Variants in ARHGAP15 observed in about 807,000 individuals in gnomAD.
ARHGAP15 encodes the protein rho GTPase-activating protein 15.
Under a neutral mutation model 63.7 loss-of-function variants are expected in ARHGAP15, and 51 were observed. The observed-to-expected ratio is 0.80, with a 90% CI of 0.64 to 1.01. The LOEUF is 1.01. ARHGAP15 is among the 50% of genes least tolerant of loss of function. The probability of loss-of-function intolerance (pLI) is 0.00; values close to 1 mark genes in which losing one functional copy is unlikely to be tolerated. For missense variants in ARHGAP15, 560 were observed against 564.6 expected, an observed-to-expected ratio of 0.99 and a Z score of 0.08; for synonymous variants, 191 against 193.8, an observed-to-expected ratio of 0.99 and a Z score of 0.12.
chr2:143,328,287 A>C (rs1191097223), intron 6 of ARHGAP15, among the ~76,000 whole-genome samples: 1 of 152,210 alleles, frequency 6.6e-6, no homozygotes, highest in Non-Finnish European at 1.5e-5. Flanking sequence ...AGACACATGC[A>C]CATGTATGTT....
intron 6 of ARHGAP15, among the ~76,000 whole-genome samples, chr2:143,318,284 G>A: frequency 6.6e-6 from 1 of 152,028 alleles, no homozygotes; most frequent in Non-Finnish European, 1.5e-5. Flanking sequence ...GGGTTTATAG[G>A]TGTGAGCCAC....
intron 8 of ARHGAP15, among the ~76,000 whole-genome samples, chr2:143,441,869 G>A (rs1689898832): frequency 6.6e-6 from 1 of 152,140 alleles, no homozygotes; most frequent in South Asian, 2.1e-4. Context: ...AAATGCATAT[G>A]TGGATTTCCC....
intron 2 of ARHGAP15, among the ~76,000 whole-genome samples, chr2:143,159,232 G>T (rs947941343): frequency 6.6e-6 from 1 of 151,798 alleles, no homozygotes; most frequent in African/African-American, 2.4e-5. Flanking sequence ...CAGATTGTTT[G>T]TTCAGTTTTT....
At chr2:143,332,892 A>G (rs1204064222) in intron 6 of ARHGAP15, among the ~76,000 whole-genome samples, 3 of 151,748 alleles carry the variant, frequency 2.0e-5, no homozygotes, top group African/African-American at 4.8e-5. Flanking sequence ...TCAACTGCAT[A>G]GTACGTATAA....
chr2:143,717,702 GT>G (rs1684869785), intron 13 of ARHGAP15, among the ~76,000 whole-genome samples: 1 of 152,128 alleles, frequency 6.6e-6, no homozygotes, highest in African/African-American at 2.4e-5. Flanking sequence ...GTATTATTTA[GT>G]TAAATCGTAT....
intron 6 of ARHGAP15, among the ~76,000 whole-genome samples, chr2:143,253,831 A>G (rs1190605444): frequency 6.6e-6 from 1 of 151,948 alleles, no homozygotes; most frequent in Non-Finnish European, 1.5e-5. Flanking sequence ...TGACCTTAGG[A>G]AATAGAGTAA....
chr2:143,180,661 T>C (rs1691198622), intron 2 of ARHGAP15, among the ~76,000 whole-genome samples: 1 of 152,100 alleles, frequency 6.6e-6, no homozygotes, highest in Admixed American at 6.5e-5. Flanking sequence ...TCTTATTAAA[T>C]ATATTTCTTT....
At chr2:143,291,700 G>A (rs551069302) in intron 6 of ARHGAP15, among the ~76,000 whole-genome samples, 3 of 152,122 alleles carry the variant, frequency 2.0e-5, no homozygotes, top group Non-Finnish European at 2.9e-5. Context: ...CTCAGCAAAC[G>A]TTCAGTGAGT....
intron 12 of ARHGAP15, among the ~76,000 whole-genome samples, chr2:143,680,774 A>G (rs529388741): frequency 8.8e-4 from 134 of 152,356 alleles, no homozygotes; most frequent in Non-Finnish European, 1.6e-3. Flanking sequence ...GCCACTAGTC[A>G]GTATATATTT....
intron 3 of ARHGAP15, among the ~76,000 whole-genome samples, chr2:143,209,272 TTAA>T (rs1417299231): frequency 6.6e-6 from 1 of 152,172 alleles, no homozygotes; most frequent in African/African-American, 2.4e-5. Flanking sequence ...CTTCAGGCTG[TTAA>T]TAATAAGTTA....
chr2:143,317,284 G>T (rs1190078583), intron 6 of ARHGAP15, among the ~76,000 whole-genome samples: 1 of 152,186 alleles, frequency 6.6e-6, no homozygotes, highest in Non-Finnish European at 1.5e-5. Flanking sequence ...TAGTGAGCTA[G>T]GATATTCAGT....
At chr2:143,459,284 C>G (rs974352083) in intron 8 of ARHGAP15, among the ~76,000 whole-genome samples, 1 of 151,592 alleles carries the variant, frequency 6.6e-6, no homozygotes, top group African/African-American at 2.4e-5. Context: ...GTTTTAGGAT[C>G]AAGGTACCAC....
chr2:143,165,129 G>A (rs918361912), intron 2 of ARHGAP15, among the ~76,000 whole-genome samples: 2 of 151,972 alleles, frequency 1.3e-5, no homozygotes, highest in African/African-American at 2.4e-5. Context: ...ATTCCAAGAT[G>A]TTATTAGATT....
chr2:143,458,466 C>T (rs914814528), intron 8 of ARHGAP15, among the ~76,000 whole-genome samples: 1 of 152,074 alleles, frequency 6.6e-6, no homozygotes, highest in African/African-American at 2.4e-5. Context: ...AATGACTCTG[C>T]GCACTACCTG....
intron 11 of ARHGAP15, among the ~76,000 whole-genome samples, chr2:143,616,330 A>T (rs1343012663): frequency 6.6e-6 from 1 of 152,190 alleles, no homozygotes; most frequent in Non-Finnish European, 1.5e-5. Flanking sequence ...ATTCAAATGA[A>T]ATCTGAGGAG....
At chr2:143,500,817 T>C (rs1474005725) in intron 9 of ARHGAP15, among the ~76,000 whole-genome samples, 1 of 152,148 alleles carries the variant, frequency 6.6e-6, no homozygotes, top group Non-Finnish European at 1.5e-5. Flanking sequence ...AAGATATAAT[T>C]CCTTTAGATA....
intron 4 of ARHGAP15, among the ~76,000 whole-genome samples, chr2:143,223,440 T>C (rs1350226514): frequency 2.0e-5 from 3 of 152,182 alleles, no homozygotes; most frequent in Non-Finnish European, 4.4e-5. Flanking sequence ...CTGAACTGTG[T>C]GTCTTAGTTA....
intron 6 of ARHGAP15, among the ~76,000 whole-genome samples, chr2:143,309,513 C>T (rs1043619179): frequency 3.5e-4 from 53 of 152,140 alleles, no homozygotes; most frequent in African/African-American, 9.9e-4. Context: ...CCTAGTACAT[C>T]GGATACACTC....
At chr2:143,241,014 C>G (rs941144494) in intron 5 of ARHGAP15, among the ~76,000 whole-genome samples, 12 of 152,098 alleles carry the variant, frequency 7.9e-5, no homozygotes, top group African/African-American at 2.9e-4. Flanking sequence ...TCTCAGAAAA[C>G]TGTTTTAATT....
Sources: gnomAD v4.1 joint callset for allele counts (sites outside exome capture counted in the v4.1 genomes callset) on GRCh38, gnomAD v4.1.1 for gene constraint, MANE v1.5 for transcripts, NCBI Gene and HGNC (gene_info 2026-07-23, HGNC 2026-07-21) for gene names.